Variants in ALPK1 observed in about 807,000 individuals in gnomAD.
ALPK1 encodes alpha kinase 1.
ALPK1 carries 110 observed loss-of-function variants against 120.6 expected under a neutral mutation model. The observed-to-expected ratio is 0.91, with a 90% CI of 0.78 to 1.07. The LOEUF is 1.07. Ranked by LOEUF, ALPK1 falls within the 50% of genes least tolerant of loss-of-function variation. ALPK1 has a pLI of 0.00. For missense variants in ALPK1, 1,498 were observed against 1,483.9 expected, an observed-to-expected ratio of 1.01 and a Z score of -0.16; for synonymous variants, 582 against 560.3, an observed-to-expected ratio of 1.04 and a Z score of -0.55.
In ALPK1 at chr4:112,346,009, G is replaced by A. The variant is rs186502381; in HGVS notation, c.-101+30157G>A. The stretch of plus-strand genomic sequence containing the variant: ...CTCCTGAGTACCTGGGATTACAGGC[G>A]TGCGCTGCCATGCCAGGCTAATTTT... On this transcript the variant is annotated intron_variant, in intron 2 of 15. Transcript: ENST00000650871. Among the ~76,000 whole-genome samples, 92 of 152,194 alleles carry A rather than the reference G, an allele frequency of 6.0e-4. 3 individuals carry two copies. In the South Asian group the frequency reaches 0.015, roughly 24 times the overall value.
intron 2 of ALPK1, among the ~76,000 whole-genome samples, chr4:112,361,144 C>T (rs760344893): frequency 6.6e-6 from 1 of 152,184 alleles, no homozygotes; most frequent in Non-Finnish European, 1.5e-5. Context: ...CAGAGACCCA[C>T]ATTTGTGAAC....
intron 4 of ALPK1, among the ~76,000 whole-genome samples, chr4:112,391,399 T>C (rs1732411477): frequency 6.6e-6 from 1 of 152,204 alleles, no homozygotes. Context: ...TAAAGGCAAT[T>C]AAATTTTAGC....
chr4:112,305,433 T>C (rs1402370181), intron 1 of ALPK1, among the ~76,000 whole-genome samples: 2 of 151,968 alleles, frequency 1.3e-5, no homozygotes, highest in Non-Finnish European at 2.9e-5. Context: ...CATTGAGCAG[T>C]GGTTTGTAGT....
chr4:112,357,480 C>G, intron 2 of ALPK1: 1 of 730,388 alleles, frequency 1.4e-6, no homozygotes, highest in Non-Finnish European at 2.4e-6. Flanking sequence ...AGGTGCTGAG[C>G]TACTGGTGCT....
intron 12 of ALPK1, among the ~76,000 whole-genome samples, chr4:112,435,570 A>C (rs145048048): frequency 6.6e-6 from 1 of 152,350 alleles, no homozygotes; most frequent in African/African-American, 2.4e-5. Context: ...ACTGATAAGA[A>C]AAATAAAGTT....
chr4:112,322,975 A>G (rs1481029628), intron 2 of ALPK1, among the ~76,000 whole-genome samples: 2 of 152,252 alleles, frequency 1.3e-5, no homozygotes, highest in Admixed American at 6.5e-5. Context: ...AAACTTGATT[A>G]AAGTCTGTGT....
In ALPK1 at chr4:112,322,785, G is replaced by A. The variant is rs189117207; in HGVS notation, c.-101+6933G>A. 3.0e-3 allele frequency among the ~76,000 whole-genome samples: 458 copies of A among 152,264 alleles called. 1 individual carries two copies. Among genetic ancestry groups the A allele is most frequent in the Non-Finnish European group, 5.1e-3 (349 of 68,024 alleles). Reference sequence around the variant, plus strand: ...GAAATAGGACTCAAGAACGAATTAAGTTCTTAATACCCATTTATGTCATTT... The same window carrying A: ...GAAATAGGACTCAAGAACGAATTAAATTCTTAATACCCATTTATGTCATTT... On this transcript the variant is annotated intron_variant, in intron 2 of 15. Coordinates refer to ENST00000650871, the MANE Select transcript of ALPK1 (RefSeq NM_025144.4).
chr4:112,421,724 A>G lies in ALPK1; in HGVS notation c.476-2220A>G, dbSNP rs192321073. Among the ~76,000 whole-genome samples the G allele has an allele frequency of 1.8e-4, 28 of 152,258 alleles. No homozygotes were observed. The East Asian group carries it at 4.6e-3, about 25-fold the overall frequency. On this transcript the variant is annotated intron_variant, in intron 5 of 15. Coordinates refer to ENST00000650871, the MANE Select transcript of ALPK1 (RefSeq NM_025144.4). ...TACCCACCGATTTAATGCCTTTTCC[A>G]TCTTAACTAAGCATCTATCACGCAC...
intron 4 of ALPK1, among the ~76,000 whole-genome samples, chr4:112,409,000 G>A (rs1733325748): frequency 6.6e-6 from 1 of 152,088 alleles, no homozygotes; most frequent in Non-Finnish European, 1.5e-5. Flanking sequence ...TGAAAACATG[G>A]ACTTGCCTTC....
At position 112,432,433 on chromosome 4, in the gene ALPK1, G is replaced by A. The variant is rs549975419; in HGVS notation, c.2886G>A (p.Pro962=). 1.9e-5 allele frequency: 31 copies of A among 1,614,126 alleles called. No homozygotes were observed. The Middle Eastern group carries it at 6.6e-4, about 34-fold the overall frequency. The part of the protein sequence containing the change: ...NSSGSSWVSL[P]GKMRKEILEA... ...GTGGGAGTTCTTGGGTTTCATTGCCGGGAAAGATGAGGAAAGAGATCCTTG... is the reference window on the plus strand; with the variant it reads ...GTGGGAGTTCTTGGGTTTCATTGCCAGGAAAGATGAGGAAAGAGATCCTTG... The change falls in exon 11 of 16, where the codon CCG becomes CCA. Residue 962 remains proline (P), a synonymous_variant. Transcript: ENST00000650871.
chr4:112,421,281 A>G (rs72898904), intron 5 of ALPK1, among the ~76,000 whole-genome samples: 3,089 of 152,240 alleles, frequency 0.02, 118 homozygotes, highest in African/African-American at 0.071. Context: ...TTTTTAACAT[A>G]CTAAATTAGA....
At chr4:112,425,601 A>C in intron 6 of ALPK1, 64 bp from the exon 7 acceptor site, 2 of 1,383,062 alleles carry the variant, frequency 1.4e-6, no homozygotes, top group Non-Finnish European at 2.0e-6. Flanking sequence ...CTTCTGTGAA[A>C]ATAGTTTTAA....
intron 12 of ALPK1, among the ~76,000 whole-genome samples, chr4:112,435,776 G>A (rs765092488): frequency 3.9e-5 from 6 of 152,224 alleles, no homozygotes; most frequent in Non-Finnish European, 8.8e-5. Context: ...ATAGGCGTTT[G>A]AGGCAGGGGT....
At chr4:112,436,537 AT>A (rs1366616928) in intron 12 of ALPK1, among the ~76,000 whole-genome samples, 1 of 152,248 alleles carries the variant, frequency 6.6e-6, no homozygotes, top group Non-Finnish European at 1.5e-5. Flanking sequence ...CCCTGATCCA[AT>A]ATGACTGATA....
At chr4:112,411,440 G>T (rs1733454541) in intron 4 of ALPK1, among the ~76,000 whole-genome samples, 1 of 150,164 alleles carries the variant, frequency 6.7e-6, no homozygotes, top group Non-Finnish European at 1.5e-5. Flanking sequence ...GGCCAGGCTG[G>T]TCTCAAAATC....
chr4:112,380,997 C>T (rs902738574), intron 3 of ALPK1, among the ~76,000 whole-genome samples: 8 of 152,084 alleles, frequency 5.3e-5, no homozygotes, highest in African/African-American at 1.9e-4. Flanking sequence ...AGCCAGTGGG[C>T]CTGAATTTGG....
intron 4 of ALPK1, among the ~76,000 whole-genome samples, chr4:112,399,148 T>C (rs530626864): frequency 6.6e-6 from 1 of 152,088 alleles, no homozygotes; most frequent in African/African-American, 2.4e-5. Flanking sequence ...TTTAAGGCCA[T>C]GGTACAGGCT....
chr4:112,310,164 A>G (rs1368991114), intron 1 of ALPK1, among the ~76,000 whole-genome samples: 1 of 152,078 alleles, frequency 6.6e-6, no homozygotes, highest in African/African-American at 2.4e-5. Context: ...AATGAGACTT[A>G]CCACTGTTAA....
rs1734544254 is a variant in ALPK1, at chr4:112,431,402, A to G, written c.1855A>G (p.Thr619Ala). The stretch of plus-strand genomic sequence containing the variant: ...GCCTGGCAAAGAACATCTGGTGGAC[A>G]CTCAGTGTTCCACTGCCTTGTCTGA... ...KEPGKEHLVD[T>A]QCSTALSEEL... Residue 619 changes from threonine (T) to alanine (A), a missense_variant, in exon 11 of 16, where the codon ACT becomes GCT. Coordinates refer to ENST00000650871, the MANE Select transcript of ALPK1 (RefSeq NM_025144.4). 6.2e-7 allele frequency: 1 copy of G among 1,614,202 alleles called. No individual in the cohort carries two copies. The highest frequency in any genetic ancestry group is 1.3e-5 in the African/African-American group (1 of 75,054).
Sources: allele counts gnomAD v4.1 joint callset (sites outside exome capture counted in the v4.1 genomes callset), GRCh38; gene constraint gnomAD v4.1.1; transcripts MANE v1.5; gene names NCBI Gene and HGNC (gene_info 2026-07-23, HGNC 2026-07-21).